CNTN4: variants seen among roughly 807,000 people sequenced by gnomAD.
CNTN4 encodes contactin-4.
CNTN4 carries 77 observed loss-of-function variants against 122.5 expected under a neutral mutation model. The observed-to-expected ratio is 0.63, with a 90% confidence interval of 0.52 to 0.76. CNTN4 has a LOEUF of 0.76. Among genes scored for constraint, CNTN4 ranks in the 30% least tolerant of loss-of-function variants. The probability of loss-of-function intolerance (pLI) is 0.00; values close to 1 mark genes in which losing one functional copy is unlikely to be tolerated. For missense variants in CNTN4, 1,256 were observed against 1,259.1 expected, an observed-to-expected ratio of 1.00 and a Z score of 0.04; for synonymous variants, 512 against 447.0, an observed-to-expected ratio of 1.15 and a Z score of -1.83.
At chr3:2,284,002 C>G (rs1453178451) in intron 2 of CNTN4, among the ~76,000 whole-genome samples, 2 of 152,024 alleles carry the variant, frequency 1.3e-5, no homozygotes, top group Admixed American at 1.3e-4. Flanking sequence ...TCATCTCTTG[C>G]TATTTGCCAA....
intron 6 of CNTN4, among the ~76,000 whole-genome samples, chr3:2,768,161 G>A (rs2090943669): frequency 6.6e-6 from 1 of 152,164 alleles, no homozygotes; most frequent in African/African-American, 2.4e-5. Flanking sequence ...CATCACAAAT[G>A]TATCCTTCAT....
In CNTN4 at chr3:2,120,374, A is replaced by T. The variant is rs13318931; in HGVS notation, c.-145+19735A>T. Among the ~76,000 whole-genome samples, 349 of 58,830 alleles carry T rather than the reference A, an allele frequency of 5.9e-3. 10 individuals carry two copies. The highest frequency in any genetic ancestry group is 0.019 in the African/African-American group (263 of 13,730). The allele number at this position is 58,830 out of a possible 152,430, so 38.6% of individuals were successfully genotyped here. On this transcript the variant is annotated intron_variant, in intron 2 of 24. Transcript: ENST00000418658. ...GGTTATATATATATATATATATATA[A>T]ATATATATATATATATATATATATA...
chr3:2,674,425 T>G (rs2084718282), intron 4 of CNTN4, among the ~76,000 whole-genome samples: 1 of 152,246 alleles, frequency 6.6e-6, no homozygotes, highest in Non-Finnish European at 1.5e-5. Flanking sequence ...GGGAAAATTT[T>G]AAGTTCTCTC....
At chr3:2,779,245 T>TTTTG (rs5846221) in intron 6 of CNTN4, among the ~76,000 whole-genome samples, 104 of 91,414 alleles carry the variant, frequency 1.1e-3, no homozygotes, top group South Asian at 5.7e-3. Flanking sequence ...GTGTTGTTTG[T>TTTTG]TTTGTTTGTT....
At chr3:2,361,519 C>A (rs2045138650) in intron 3 of CNTN4, among the ~76,000 whole-genome samples, 2 of 152,130 alleles carry the variant, frequency 1.3e-5, no homozygotes, top group South Asian at 4.1e-4. Context: ...CTGTACTATA[C>A]CCTGGGGTCA....
At chr3:2,837,435 T>G (rs2093252990) in intron 7 of CNTN4, among the ~76,000 whole-genome samples, 1 of 152,232 alleles carries the variant, frequency 6.6e-6, no homozygotes, top group Non-Finnish European at 1.5e-5. Context: ...GCTTTGCTCC[T>G]GCCTGGAGCT....
intron 6 of CNTN4, among the ~76,000 whole-genome samples, chr3:2,802,518 G>A (rs375522377): frequency 1.3e-5 from 2 of 152,260 alleles, no homozygotes; most frequent in South Asian, 2.1e-4. Context: ...GAAAAAATAC[G>A]TGTCAGATGA....
intron 4 of CNTN4, among the ~76,000 whole-genome samples, chr3:2,694,653 C>G (rs1001814876): frequency 6.6e-6 from 1 of 152,142 alleles, no homozygotes; most frequent in Non-Finnish European, 1.5e-5. Context: ...TGCTTGAACT[C>G]AGGAGGCAGA....
chr3:2,390,650 C>T (rs934485292), intron 3 of CNTN4, among the ~76,000 whole-genome samples: 1 of 152,148 alleles, frequency 6.6e-6, no homozygotes, highest in Non-Finnish European at 1.5e-5. Context: ...TTCTATACAG[C>T]TACTGGTTGA....
At chr3:2,101,342 A>G (rs2031936571) in intron 2 of CNTN4, among the ~76,000 whole-genome samples, 1 of 152,142 alleles carries the variant, frequency 6.6e-6, no homozygotes, top group Non-Finnish European at 1.5e-5. Flanking sequence ...GAAAATTCCC[A>G]TGCATGGTAC....
intron 3 of CNTN4, among the ~76,000 whole-genome samples, chr3:2,390,761 A>G (rs1450954594): frequency 6.6e-6 from 1 of 152,180 alleles, no homozygotes; most frequent in Admixed American, 6.5e-5. Context: ...AATGTTGACC[A>G]TATAACCGAG....
chr3:2,882,762 A>C (rs987577720), intron 8 of CNTN4: 8 of 213,512 alleles, frequency 3.7e-5, no homozygotes, highest in African/African-American at 1.6e-4. Flanking sequence ...ATTTTTGAGT[A>C]CTTTTATTAA....
At chr3:2,739,759 A>G (rs959465461) in intron 5 of CNTN4, among the ~76,000 whole-genome samples, 1 of 152,218 alleles carries the variant, frequency 6.6e-6, no homozygotes, top group African/African-American at 2.4e-5. Flanking sequence ...AAACCCAGAG[A>G]TGCAGTTATC....
At chr3:2,158,392 AT>A (rs1211646563) in intron 2 of CNTN4, among the ~76,000 whole-genome samples, 1 of 152,208 alleles carries the variant, frequency 6.6e-6, no homozygotes, top group Non-Finnish European at 1.5e-5. Flanking sequence ...TGATTTAACA[AT>A]TTCTTACCAT....
chr3:2,621,472 G>A (rs1277754845), intron 4 of CNTN4, among the ~76,000 whole-genome samples: 2 of 151,790 alleles, frequency 1.3e-5, no homozygotes, highest in African/African-American at 4.8e-5. Flanking sequence ...ACAGTAAGGG[G>A]AATGTCACAC....
At chr3:2,331,609 T>A (rs140165679) in intron 2 of CNTN4, among the ~76,000 whole-genome samples, 308 of 152,286 alleles carry the variant, frequency 2.0e-3, no homozygotes, top group African/African-American at 5.4e-3. Context: ...ACGCATACCC[T>A]GAGAATGACC....
intron 2 of CNTN4, among the ~76,000 whole-genome samples, chr3:2,270,735 G>T (rs1052239073): frequency 8.1e-6 from 1 of 123,344 alleles, no homozygotes. Flanking sequence ...AGAAAATGGA[G>T]CTCAGGAGGA....
At chr3:2,358,313 G>T (rs1016861633) in intron 3 of CNTN4, among the ~76,000 whole-genome samples, 4 of 152,080 alleles carry the variant, frequency 2.6e-5, no homozygotes, top group Non-Finnish European at 4.4e-5. Context: ...CACCTACCTC[G>T]CAGGATAATA....
chr3:2,616,131 A>G (rs894011076), intron 4 of CNTN4, among the ~76,000 whole-genome samples: 5 of 151,190 alleles, frequency 3.3e-5, no homozygotes, highest in Non-Finnish European at 7.4e-5. Flanking sequence ...TCCGTCATCT[A>G]GCTGCCCTCC....
Sources: gnomAD v4.1 joint callset for allele counts (sites outside exome capture counted in the v4.1 genomes callset) on GRCh38, gnomAD v4.1.1 for gene constraint, MANE v1.5 for transcripts, NCBI Gene and HGNC (gene_info 2026-07-23, HGNC 2026-07-21) for gene names.